Variants in RNF115 observed in about 807,000 individuals in gnomAD.
RNF115 encodes the protein ring finger protein 115, also known as E3 ubiquitin-protein ligase RNF115.
A neutral mutation model predicts 39.2 loss-of-function variants in RNF115; 31 were observed. The ratio of observed to expected loss-of-function variants is 0.79; its 90% CI spans 0.59 to 1.07. The LOEUF is 1.07. Ranked by LOEUF, RNF115 falls within the 50% of genes least tolerant of loss-of-function variation. The pLI, the probability that RNF115 is intolerant of heterozygous loss-of-function variation, is 0.00. For missense variants in RNF115, 384 were observed against 381.7 expected, an observed-to-expected ratio of 1.01 and a Z score of -0.05; for synonymous variants, 124 against 131.0, an observed-to-expected ratio of 0.95 and a Z score of 0.37.
At chr1:145,761,288 C>G (rs1658492461) in intron 4 of RNF115, among the ~76,000 whole-genome samples, 2 of 152,230 alleles carry the variant, frequency 1.3e-5, no homozygotes, top group African/African-American at 4.8e-5. Flanking sequence ...TGTTAATCCC[C>G]AAGACCACAG....
At chr1:145,794,723 G>A (rs1648864172) in intron 1 of RNF115, among the ~76,000 whole-genome samples, 1 of 151,400 alleles carries the variant, frequency 6.6e-6, no homozygotes, top group South Asian at 2.1e-4. Context: ...ACTTCTTAAA[G>A]ATGGTGTGTC....
At chr1:145,796,210 T>C in intron 1 of RNF115, among the ~76,000 whole-genome samples, 1 of 152,336 alleles carries the variant, frequency 6.6e-6, no homozygotes, top group African/African-American at 2.4e-5. Context: ...TTTCCCATGA[T>C]TTCCAGCTAT....
chr1:145,764,300 A>T (rs1206430312), intron 4 of RNF115, among the ~76,000 whole-genome samples: 1 of 152,098 alleles, frequency 6.6e-6, no homozygotes, highest in Non-Finnish European at 1.5e-5. Flanking sequence ...TTGGCCTCCT[A>T]AAGTGCTGAG....
intron 1 of RNF115, among the ~76,000 whole-genome samples, chr1:145,821,339 T>C (rs1553724335): frequency 2.3e-5 from 3 of 131,550 alleles, no homozygotes; most frequent in Non-Finnish European, 5.2e-5. Context: ...TCTCCAGGCA[T>C]TAACTAAGGC....
intron 3 of RNF115, among the ~76,000 whole-genome samples, chr1:145,775,453 C>T (rs1312436420): frequency 4.0e-4 from 59 of 146,462 alleles, no homozygotes; most frequent in Admixed American, 2.9e-3. Flanking sequence ...TGGAGTGCAA[C>T]GCCGTGATCA....
At chr1:145,804,816 A>C (rs949242705) in intron 1 of RNF115, among the ~76,000 whole-genome samples, 1 of 152,176 alleles carries the variant, frequency 6.6e-6, no homozygotes, top group Non-Finnish European at 1.5e-5. Flanking sequence ...ATGCCATTCC[A>C]TGTCATAAAA....
chr1:145,815,893 CTT>C (rs1553723466), intron 1 of RNF115, among the ~76,000 whole-genome samples: 1 of 135,242 alleles, frequency 7.4e-6, no homozygotes, highest in Non-Finnish European at 1.6e-5. Context: ...TAGGAAAACA[CTT>C]TTAATAAGGA....
chr1:145,770,635 T>A (rs1647592785), intron 4 of RNF115, among the ~76,000 whole-genome samples: 2 of 134,462 alleles, frequency 1.5e-5, no homozygotes, highest in African/African-American at 5.8e-5. Context: ...AAGTCTTAGA[T>A]CCACCAACGG....
Position 145,784,793 on chromosome 1 carries a change from A to C in RNF115, c.162-197T>G, listed in dbSNP as rs587635414. Reference sequence around the variant, plus strand: ...GAAAAGTATCATAAACCACAAAATCAAGTGGTTTTCAAGGCTAAATCCAGT... The same window carrying C: ...GAAAAGTATCATAAACCACAAAATCCAGTGGTTTTCAAGGCTAAATCCAGT... On this transcript the variant is annotated intron_variant, in intron 2 of 8. Coordinates refer to ENST00000582693, the MANE Select transcript of RNF115 (RefSeq NM_014455.4). Among the ~76,000 whole-genome samples the C allele has an allele frequency of 2.0e-5, 3 of 152,292 alleles. No homozygotes were observed. In the East Asian group the frequency reaches 5.8e-4, roughly 29 times the overall value.
chr1:145,754,975 G>A (rs782678786), intron 4 of RNF115, among the ~76,000 whole-genome samples: 1 of 152,112 alleles, frequency 6.6e-6, no homozygotes, highest in Non-Finnish European at 1.5e-5. Flanking sequence ...GCCGGGTGTG[G>A]TGGCTCTTGC....
intron 1 of RNF115, among the ~76,000 whole-genome samples, chr1:145,789,700 C>CT (rs67276251): frequency 0.025 from 2,145 of 86,706 alleles, 96 homozygotes; most frequent in African/African-American, 0.05. Context: ...ACCCGGACTT[C>CT]TTTTTTTTTT....
intron 1 of RNF115, among the ~76,000 whole-genome samples, chr1:145,790,561 T>C (rs1359582786): frequency 1.3e-4 from 20 of 151,922 alleles, no homozygotes; most frequent in African/African-American, 4.1e-4. Context: ...GCCTCCCAAG[T>C]AGCTGGGATT....
At chr1:145,757,556 T>C (rs1410786897) in intron 4 of RNF115, among the ~76,000 whole-genome samples, 2 of 152,218 alleles carry the variant, frequency 1.3e-5, no homozygotes, top group African/African-American at 4.8e-5. Context: ...AAGAAAGCTA[T>C]GCAGCTACAA....
intron 1 of RNF115, among the ~76,000 whole-genome samples, chr1:145,797,285 T>G (rs1250319214): frequency 6.6e-6 from 1 of 152,134 alleles, no homozygotes; most frequent in Non-Finnish European, 1.5e-5. Context: ...AGCACCCAAT[T>G]AAAACCTCCT....
chr1:145,804,495 GCATGCACA>G (rs1649381161), intron 1 of RNF115, among the ~76,000 whole-genome samples: 4 of 80,450 alleles, frequency 5.0e-5, no homozygotes, highest in Admixed American at 4.8e-4. Context: ...ATGCATGCAT[GCATGCACA>G]CACACACACA....
At chr1:145,814,646 C>A (rs1271588512) in intron 1 of RNF115, among the ~76,000 whole-genome samples, 1 of 151,746 alleles carries the variant, frequency 6.6e-6, no homozygotes, top group Non-Finnish European at 1.5e-5. Context: ...CTAGTTGGTA[C>A]TTCCCCCGAA....
intron 4 of RNF115, among the ~76,000 whole-genome samples, chr1:145,756,487 C>T (rs1658298976): frequency 6.6e-6 from 1 of 151,302 alleles, no homozygotes; most frequent in South Asian, 2.1e-4. Context: ...CACAACCTCA[C>T]AAAGATCTAG....
At chr1:145,797,136 T>C (rs587657451) in intron 1 of RNF115, among the ~76,000 whole-genome samples, 13 of 152,314 alleles carry the variant, frequency 8.5e-5, no homozygotes, top group Admixed American at 5.9e-4. Context: ...CTGCTTCCTG[T>C]TGACCAACTT....
intron 3 of RNF115, among the ~76,000 whole-genome samples, chr1:145,775,688 C>T (rs587730472): frequency 1.3e-5 from 2 of 152,152 alleles, no homozygotes; most frequent in Admixed American, 1.3e-4. Context: ...GCCTCTGTGC[C>T]CCACTTTAAA....
Sources: allele counts gnomAD v4.1 joint callset (sites outside exome capture counted in the v4.1 genomes callset), GRCh38; gene constraint gnomAD v4.1.1; transcripts MANE v1.5; gene names NCBI Gene and HGNC (gene_info 2026-07-23, HGNC 2026-07-21).